Variants in JAZF1 observed in about 807,000 individuals in gnomAD.
JAZF1 encodes JAZF zinc finger 1, also known as juxtaposed with another zinc finger protein 1.
A neutral mutation model predicts 26.4 loss-of-function variants in JAZF1; 8 were observed. The observed-to-expected ratio is 0.30, with a 90% confidence interval of 0.18 to 0.55. The LOEUF (loss-of-function observed/expected upper bound fraction) is 0.55. JAZF1 is among the 20% of genes least tolerant of loss of function. JAZF1 has a pLI of 0.94. For synonymous variants in JAZF1, 126 were observed against 122.3 expected (o/e 1.03, Z -0.20); for missense variants, 199 against 322.0 (o/e 0.62, Z 2.92).
At chr7:28,149,759 G>A (rs1056842510) in intron 1 of JAZF1, among the ~76,000 whole-genome samples, 11 of 152,186 alleles carry the variant, frequency 7.2e-5, no homozygotes, top group Non-Finnish European at 2.9e-5. Flanking sequence ...TGAAACATGG[G>A]ATATAGCAAT....
At chr7:27,994,469 AAAC>A (rs949305225) in intron 1 of JAZF1, among the ~76,000 whole-genome samples, 3 of 67,834 alleles carry the variant, frequency 4.4e-5, no homozygotes, top group African/African-American at 1.5e-4. Flanking sequence ...AAACAAAAAA[AAAC>A]ACACACACAC....
intron 1 of JAZF1, among the ~76,000 whole-genome samples, chr7:28,106,552 A>C (rs1343514671): frequency 6.6e-6 from 1 of 152,236 alleles, no homozygotes; most frequent in East Asian, 1.9e-4. Context: ...ATCACCTTCT[A>C]ACATAAACAT....
intron 1 of JAZF1, among the ~76,000 whole-genome samples, chr7:28,026,134 G>A (rs1783089689): frequency 6.6e-6 from 1 of 152,140 alleles, no homozygotes; most frequent in South Asian, 2.1e-4. Context: ...AGGAAGTCTA[G>A]AGGCCCCACT....
chr7:27,922,614 T>C (rs1784551157), intron 2 of JAZF1, among the ~76,000 whole-genome samples: 1 of 152,142 alleles, frequency 6.6e-6, no homozygotes, highest in Non-Finnish European at 1.5e-5. Flanking sequence ...TAACTTTTAA[T>C]AGGAAAATTT....
chr7:27,915,703 C>T (rs1271461416), intron 2 of JAZF1, among the ~76,000 whole-genome samples: 1 of 152,186 alleles, frequency 6.6e-6, no homozygotes, highest in African/African-American at 2.4e-5. Flanking sequence ...CAAATCATAA[C>T]TCATTTCTTT....
At chr7:28,058,354 G>A (rs1269376885) in intron 1 of JAZF1, among the ~76,000 whole-genome samples, 12 of 152,188 alleles carry the variant, frequency 7.9e-5, no homozygotes, top group African/African-American at 2.4e-4. Flanking sequence ...TAGATGCAGA[G>A]AGGACGAAAA....
intron 2 of JAZF1, among the ~76,000 whole-genome samples, chr7:27,977,296 A>AG (rs1785493419): frequency 6.6e-6 from 1 of 152,218 alleles, no homozygotes; most frequent in Non-Finnish European, 1.5e-5. Flanking sequence ...GTCTAGACTT[A>AG]TACTTTATTA....
rs552156502 is a variant in JAZF1, at chr7:27,895,155, C to T, written c.385+65G>A. The T allele has an allele frequency of 9.4e-5, 106 of 1,133,356 alleles. No homozygotes were observed. The African/African-American group carries it at 1.5e-3, about 16-fold the overall frequency. The allele number at this position is 1,133,356 out of a possible 1,614,324, so 70.2% of individuals were successfully genotyped here. Reference sequence around the variant, plus strand: ...CCCCAGCCCCTTTCTGCCCCCAGCACATCACACACACTTTCTCTTTCTCCC... The same window carrying T: ...CCCCAGCCCCTTTCTGCCCCCAGCATATCACACACACTTTCTCTTTCTCCC... On this transcript the variant is annotated intron_variant, in intron 3 of 4. Coordinates refer to ENST00000283928, the MANE Select transcript of JAZF1 (RefSeq NM_175061.4).
At chr7:28,082,597 G>T (rs1035961495) in intron 1 of JAZF1, among the ~76,000 whole-genome samples, 3 of 152,112 alleles carry the variant, frequency 2.0e-5, no homozygotes, top group Non-Finnish European at 2.9e-5. Context: ...CCACGCTGCA[G>T]TATGTTTGAA....
At chr7:28,110,451 AG>A (rs752892969) in intron 1 of JAZF1, among the ~76,000 whole-genome samples, 3 of 52,038 alleles carry the variant, frequency 5.8e-5, no homozygotes, top group South Asian at 7.7e-4. Flanking sequence ...AGAGAGAAAA[AG>A]GAAAGGAAAG....
At position 27,831,241 on chromosome 7, in the gene JAZF1, A is replaced by T. The variant is rs1469642346; in HGVS notation, c.*1559T>A. 2 of 225,054 alleles carry T rather than the reference A, an allele frequency of 8.9e-6. No homozygotes were observed. The highest frequency in any genetic ancestry group is 1.3e-4 in the East Asian group (2 of 15,508). The allele number at this position is 225,054 out of a possible 1,614,324, so 13.9% of individuals were successfully genotyped here. ...GAATATAGAGGTTTACTCATCTAACAAACAGAACTGTCATCCTTTCAAAAT... is the reference window on the plus strand; with the variant it reads ...GAATATAGAGGTTTACTCATCTAACTAACAGAACTGTCATCCTTTCAAAAT... On this transcript the variant is annotated 3_prime_UTR_variant, in exon 5 of 5. Coordinates refer to ENST00000283928, the MANE Select transcript of JAZF1 (RefSeq NM_175061.4).
chr7:28,122,916 T>A (rs1782628546), intron 1 of JAZF1, among the ~76,000 whole-genome samples: 1 of 152,058 alleles, frequency 6.6e-6, no homozygotes. Context: ...TCGATGAAAT[T>A]CTCATTATTT....
intron 1 of JAZF1, among the ~76,000 whole-genome samples, chr7:28,156,548 C>T (rs1190205230): frequency 1.3e-5 from 2 of 152,194 alleles, no homozygotes; most frequent in African/African-American, 2.4e-5. Context: ...ACCATTCGCT[C>T]ATTATAGTTA....
chr7:27,985,179 A>G (rs761308089), intron 2 of JAZF1, among the ~76,000 whole-genome samples: 69 of 152,302 alleles, frequency 4.5e-4, no homozygotes, highest in Non-Finnish European at 1.2e-4. Flanking sequence ...TTTTTTGAAA[A>G]GATCAACAAA....
At chr7:28,031,952 C>G (rs777754565) in intron 1 of JAZF1, among the ~76,000 whole-genome samples, 5 of 152,312 alleles carry the variant, frequency 3.3e-5, no homozygotes, top group Non-Finnish European at 7.4e-5. Flanking sequence ...AGGATCTACA[C>G]TTTGTCACAT....
At chr7:28,177,198 C>T (rs546556035) in intron 1 of JAZF1, among the ~76,000 whole-genome samples, 1 of 152,148 alleles carries the variant, frequency 6.6e-6, no homozygotes, top group South Asian at 2.1e-4. Context: ...AGTACTGAAC[C>T]AGCAGTGAAA....
chr7:28,124,375 T>C (rs568888335), intron 1 of JAZF1, among the ~76,000 whole-genome samples: 8 of 152,188 alleles, frequency 5.3e-5, no homozygotes, highest in Non-Finnish European at 8.8e-5. Flanking sequence ...TAACGCCAAC[T>C]GGCCTGTGAT....
chr7:27,937,400 T>C (rs555834318), intron 2 of JAZF1, among the ~76,000 whole-genome samples: 2 of 152,342 alleles, frequency 1.3e-5, no homozygotes, highest in Admixed American at 1.3e-4. Context: ...CAGGCTGTTG[T>C]GAGGATTAAA....
chr7:27,906,184 G>T (rs562445613), intron 2 of JAZF1, among the ~76,000 whole-genome samples: 1 of 152,282 alleles, frequency 6.6e-6, no homozygotes, highest in South Asian at 2.1e-4. Context: ...TCCAAGAGCT[G>T]GGAGGTGGTG....
Sources: gnomAD v4.1 joint callset for allele counts (sites outside exome capture counted in the v4.1 genomes callset) on GRCh38, gnomAD v4.1.1 for gene constraint, MANE v1.5 for transcripts, NCBI Gene and HGNC (gene_info 2026-07-23, HGNC 2026-07-21) for gene names.